Variants in CDH20 observed in about 807,000 individuals in gnomAD.
The protein encoded by CDH20 is cadherin 20.
Under a neutral mutation model 74.2 loss-of-function variants are expected in CDH20, and 29 were observed. That is an observed-to-expected ratio of 0.39 (90% CI 0.29 to 0.53). The LOEUF (loss-of-function observed/expected upper bound fraction) is 0.53. CDH20 is among the 20% of genes least tolerant of loss of function. The pLI is 0.69. For missense variants in CDH20, 988 were observed against 1,048.3 expected (o/e 0.94, Z 0.79); for synonymous variants, 469 against 405.4 (o/e 1.16, Z -1.88).
chr18:61,346,659 G>T (rs755016488), intron 1 of CDH20, among the ~76,000 whole-genome samples: 17 of 152,100 alleles, frequency 1.1e-4, no homozygotes, highest in Non-Finnish European at 2.4e-4. Context: ...TAGATATGAG[G>T]TTAATTACAT....
At chr18:61,396,164 A>G (rs1010983693) in intron 1 of CDH20, among the ~76,000 whole-genome samples, 1 of 151,880 alleles carries the variant, frequency 6.6e-6, no homozygotes, top group Non-Finnish European at 1.5e-5. Flanking sequence ...CTTAATAGCT[A>G]TTTCTTAGAG....
At chr18:61,508,260 C>T (rs1398528791) in intron 6 of CDH20, among the ~76,000 whole-genome samples, 2 of 152,264 alleles carry the variant, frequency 1.3e-5, no homozygotes, top group East Asian at 3.9e-4. Context: ...TTGAGTGCCA[C>T]CTATGTGCCA....
At chr18:61,396,928 T>G (rs944352677) in intron 1 of CDH20, among the ~76,000 whole-genome samples, 2 of 152,198 alleles carry the variant, frequency 1.3e-5, no homozygotes, top group Non-Finnish European at 2.9e-5. Context: ...CATCTCTCAT[T>G]GCTGTCTGTT....
At chr18:61,396,078 C>T (rs1911967506) in intron 1 of CDH20, among the ~76,000 whole-genome samples, 1 of 104,998 alleles carries the variant, frequency 9.5e-6, no homozygotes, top group Non-Finnish European at 2.2e-5. Flanking sequence ...TGTGTTCATG[C>T]ACGCACACCA....
chr18:61,455,546 A>G (rs1192124453), intron 1 of CDH20, among the ~76,000 whole-genome samples: 1 of 152,150 alleles, frequency 6.6e-6, no homozygotes, highest in Non-Finnish European at 1.5e-5. Context: ...GCTATTTATA[A>G]AACCACTGGA....
intron 11 of CDH20, among the ~76,000 whole-genome samples, chr18:61,550,912 C>G (rs986860037): frequency 6.6e-6 from 1 of 152,140 alleles, no homozygotes; most frequent in African/African-American, 2.4e-5. Flanking sequence ...ATGGTGTGAA[C>G]CACACAGATT....
intron 1 of CDH20, among the ~76,000 whole-genome samples, chr18:61,443,047 T>C (rs1359165896): frequency 2.6e-5 from 4 of 152,208 alleles, no homozygotes; most frequent in Non-Finnish European, 5.9e-5. Context: ...TAAGTACTTT[T>C]ATGATGGAAA....
chr18:61,500,764 A>T (rs1911350253), intron 4 of CDH20, among the ~76,000 whole-genome samples: 1 of 152,192 alleles, frequency 6.6e-6, no homozygotes, highest in Admixed American at 6.5e-5. Context: ...ACTCCCCAAT[A>T]GCCTTCAAAA....
intron 1 of CDH20, among the ~76,000 whole-genome samples, chr18:61,367,461 A>T (rs780061616): frequency 1.3e-5 from 2 of 152,212 alleles, no homozygotes; most frequent in Non-Finnish European, 2.9e-5. Context: ...TCACAAGTCT[A>T]AAATGGTTCT....
chr18:61,360,524 G>A (rs1599035670), intron 1 of CDH20, among the ~76,000 whole-genome samples: 1 of 152,286 alleles, frequency 6.6e-6, no homozygotes, highest in African/African-American at 2.4e-5. Context: ...GCCCAGGCAG[G>A]AGGCGAGGGG....
intron 10 of CDH20, among the ~76,000 whole-genome samples, chr18:61,548,891 T>C (rs1382725714): frequency 6.6e-6 from 1 of 152,242 alleles, no homozygotes; most frequent in Non-Finnish European, 1.5e-5. Context: ...TCCTTTATTA[T>C]GTCCAAAATG....
intron 1 of CDH20, among the ~76,000 whole-genome samples, chr18:61,438,267 A>G (rs1236488749): frequency 1.3e-5 from 2 of 152,140 alleles, no homozygotes. Context: ...GAACATAACA[A>G]ATTTCTTCTC....
At chr18:61,426,829 G>A (rs940659284) in intron 1 of CDH20, among the ~76,000 whole-genome samples, 28 of 152,216 alleles carry the variant, frequency 1.8e-4, no homozygotes, top group African/African-American at 6.8e-4. Flanking sequence ...AGCAGAGCCT[G>A]TGTGCTCTGT....
At position 61,469,594 on chromosome 18, in the gene CDH20, A is replaced by C. The variant is rs975298377; in HGVS notation, c.-152-20808A>C. 2.0e-5 allele frequency among the ~76,000 whole-genome samples: 3 copies of C among 152,132 alleles called. 1 individual carries two copies. In the South Asian group the frequency reaches 6.2e-4, roughly 32 times the overall value. ...AACCTTGGTTGTGTATGTGACCCTC[A>C]AGCAAATCCAACACAATATCTCATT... On this transcript the variant is annotated intron_variant, in intron 1 of 11. Coordinates refer to ENST00000262717, the MANE Select transcript of CDH20 (RefSeq NM_031891.4).
rs914226197 is a variant in CDH20, at chr18:61,554,093, C to G, written c.1901-97C>G. The G allele has an allele frequency of 4.9e-6, 7 of 1,442,264 alleles. No homozygotes were observed. In the African/African-American group the frequency reaches 9.9e-5, roughly 20 times the overall value. The allele number at this position is 1,442,264 out of a possible 1,614,324, so 89.3% of individuals were successfully genotyped here. On this transcript the variant is annotated intron_variant, in intron 11 of 11. Coordinates refer to ENST00000262717, the MANE Select transcript of CDH20 (RefSeq NM_031891.4). The stretch of plus-strand genomic sequence containing the variant: ...TATCTCTGAGCCCTCCACTCGGTAG[C>G]CCTTCCCCTATCCGTGGTGAATCAA...
chr18:61,477,361 C>G (rs1910426389), intron 1 of CDH20, among the ~76,000 whole-genome samples: 1 of 152,194 alleles, frequency 6.6e-6, no homozygotes, highest in South Asian at 2.1e-4. Context: ...AGTCTAGGGT[C>G]AGCTAATTCC....
At chr18:61,547,495 T>A (rs1913292381) in intron 10 of CDH20, among the ~76,000 whole-genome samples, 1 of 152,210 alleles carries the variant, frequency 6.6e-6, no homozygotes, top group East Asian at 1.9e-4. Flanking sequence ...AAAAGAATTA[T>A]GTGTATATAG....
At chr18:61,548,007 C>CA (rs1401353942) in intron 10 of CDH20, among the ~76,000 whole-genome samples, 1 of 151,364 alleles carries the variant, frequency 6.6e-6, no homozygotes, top group African/African-American at 2.4e-5. Flanking sequence ...TGGATTAAAC[C>CA]AAAAAAATAA....
intron 10 of CDH20, among the ~76,000 whole-genome samples, chr18:61,548,401 C>A (rs1913324165): frequency 6.6e-6 from 1 of 152,284 alleles, no homozygotes; most frequent in Non-Finnish European, 1.5e-5. Context: ...TCACTCTAGG[C>A]CTTACTTCTA....
Sources: allele counts gnomAD v4.1 joint callset (sites outside exome capture counted in the v4.1 genomes callset), GRCh38; gene constraint gnomAD v4.1.1; transcripts MANE v1.5; gene names NCBI Gene and HGNC (gene_info 2026-07-23, HGNC 2026-07-21).